RALYL: variants seen among roughly 807,000 people sequenced by gnomAD.
The protein encoded by RALYL is RNA-binding Raly-like protein.
In RALYL, 29 loss-of-function variants were observed where a neutral mutation model predicts 35.1. The observed-to-expected ratio is 0.83, with a 90% CI of 0.61 to 1.13. The LOEUF is 1.13. RALYL is among the 50% of genes most tolerant of loss of function. RALYL has a pLI of 0.00. For missense variants in RALYL, 359 were observed against 360.4 expected, an observed-to-expected ratio of 1.00 and a Z score of 0.03; for synonymous variants, 120 against 127.6, an observed-to-expected ratio of 0.94 and a Z score of 0.40.
At chr8:84,429,149 T>C (rs1330659310) in intron 1 of RALYL, among the ~76,000 whole-genome samples, 1 of 152,148 alleles carries the variant, frequency 6.6e-6, no homozygotes, top group African/African-American at 2.4e-5. Flanking sequence ...GCATATTCTA[T>C]GGCTTAATGC....
chr8:84,878,807 T>C lies in RALYL; in HGVS notation c.685+5410T>C, dbSNP rs541199524. 7.3e-4 allele frequency among the ~76,000 whole-genome samples: 110 copies of C among 151,138 alleles called. No homozygotes were observed. In the South Asian group the frequency reaches 0.011, roughly 15 times the overall value. On this transcript the variant is annotated intron_variant, in intron 7 of 8. Coordinates refer to ENST00000521268, the MANE Select transcript of RALYL (RefSeq NM_173848.7). ...GAAAATATGGAAAAAAAAACAGAAA[T>C]GGAAAATAGGGGAAGGATATGAGAA...
intron 1 of RALYL, among the ~76,000 whole-genome samples, chr8:84,259,375 G>A (rs1586604486): frequency 6.6e-6 from 1 of 152,108 alleles, no homozygotes; most frequent in African/African-American, 2.4e-5. Context: ...CTCACAGGTA[G>A]TCTTCAAAAG....
intron 1 of RALYL, among the ~76,000 whole-genome samples, chr8:84,316,834 T>A (rs950878456): frequency 6.6e-6 from 1 of 152,158 alleles, no homozygotes; most frequent in Non-Finnish European, 1.5e-5. Flanking sequence ...CTAAATCTTT[T>A]AAAAAATAAA....
At chr8:84,426,210 T>A (rs2046412411) in intron 1 of RALYL, among the ~76,000 whole-genome samples, 1 of 152,168 alleles carries the variant, frequency 6.6e-6, no homozygotes, top group African/African-American at 2.4e-5. Context: ...CTCACATAGT[T>A]ACCCATTAGT....
chr8:84,699,219 A>G (rs1467257316), intron 2 of RALYL, among the ~76,000 whole-genome samples: 1 of 152,016 alleles, frequency 6.6e-6, no homozygotes, highest in Non-Finnish European at 1.5e-5. Flanking sequence ...TTCCCTATAA[A>G]CTCAGTACTA....
intron 1 of RALYL, among the ~76,000 whole-genome samples, chr8:84,341,365 T>C (rs951745035): frequency 2.0e-5 from 3 of 151,940 alleles, no homozygotes; most frequent in African/African-American, 7.2e-5. Flanking sequence ...AATTCTGTGC[T>C]CAAATTCTAG....
At chr8:84,231,476 T>A (rs747325075) in intron 1 of RALYL, among the ~76,000 whole-genome samples, 13 of 152,160 alleles carry the variant, frequency 8.5e-5, no homozygotes, top group Non-Finnish European at 1.8e-4. Flanking sequence ...GCCATGTTTG[T>A]TCTCTGTGTT....
chr8:84,612,097 C>G (rs1564234449), intron 2 of RALYL, among the ~76,000 whole-genome samples: 1 of 151,718 alleles, frequency 6.6e-6, no homozygotes, highest in Admixed American at 6.6e-5. Context: ...ACCTTTTTCT[C>G]TTAGATTGTG....
At chr8:84,310,366 T>C (rs1021266997) in intron 1 of RALYL, among the ~76,000 whole-genome samples, 4 of 149,742 alleles carry the variant, frequency 2.7e-5, no homozygotes, top group Non-Finnish European at 4.5e-5. Context: ...AAAAAAAAAA[T>C]TGGCTAACCC....
At chr8:84,394,588 A>C (rs1177535048) in intron 1 of RALYL, among the ~76,000 whole-genome samples, 1 of 151,984 alleles carries the variant, frequency 6.6e-6, no homozygotes, top group Non-Finnish European at 1.5e-5. Context: ...TTGCTTAGGC[A>C]CATAGTTTTT....
At chr8:84,780,471 A>G (rs1296746390) in intron 3 of RALYL, among the ~76,000 whole-genome samples, 1 of 152,248 alleles carries the variant, frequency 6.6e-6, no homozygotes, top group African/African-American at 2.4e-5. Context: ...CATCTGGGTA[A>G]TTGAGGGAGA....
intron 1 of RALYL, among the ~76,000 whole-genome samples, chr8:84,288,270 T>A (rs1186579318): frequency 6.6e-6 from 1 of 152,154 alleles, no homozygotes; most frequent in Non-Finnish European, 1.5e-5. Context: ...GGAATCAGCA[T>A]TTTAAAAAAT....
intron 2 of RALYL, among the ~76,000 whole-genome samples, chr8:84,687,671 T>C (rs1394594151): frequency 2.6e-5 from 4 of 152,156 alleles, no homozygotes. Flanking sequence ...AAACTACTTG[T>C]AGTACACTGA....
intron 1 of RALYL, among the ~76,000 whole-genome samples, chr8:84,300,076 T>C (rs983846177): frequency 1.3e-5 from 2 of 152,108 alleles, no homozygotes; most frequent in African/African-American, 4.8e-5. Context: ...GGACATTTAG[T>C]GCTATAAACT....
At chr8:84,241,364 C>T (rs16912587) in intron 1 of RALYL, among the ~76,000 whole-genome samples, 7,754 of 152,162 alleles carry the variant, frequency 0.051, 301 homozygotes, top group East Asian at 0.12. Flanking sequence ...TCCCTGGTTA[C>T]GTTCTCCATT....
intron 1 of RALYL, among the ~76,000 whole-genome samples, chr8:84,475,815 A>G (rs1240130000): frequency 2.0e-5 from 3 of 152,300 alleles, no homozygotes; most frequent in South Asian, 2.1e-4. Context: ...AATCTGTTGC[A>G]TTAAGATTGT....
chr8:84,468,488 T>C (rs996998317), intron 1 of RALYL, among the ~76,000 whole-genome samples: 1 of 149,396 alleles, frequency 6.7e-6, no homozygotes, highest in African/African-American at 2.4e-5. Context: ...CTCTTCTGGC[T>C]TGTAGGGTTT....
At chr8:84,608,909 CAA>C (rs1405819723) in intron 2 of RALYL, among the ~76,000 whole-genome samples, 1 of 152,064 alleles carries the variant, frequency 6.6e-6, no homozygotes, top group Non-Finnish European at 1.5e-5. Flanking sequence ...CCCATCCACT[CAA>C]AGAGTGTAAC....
At chr8:84,507,977 C>T (rs189604768) in intron 1 of RALYL, among the ~76,000 whole-genome samples, 18 of 152,120 alleles carry the variant, frequency 1.2e-4, no homozygotes, top group Middle Eastern at 6.8e-3. Context: ...CATATCTAAG[C>T]GTCTATGTCA....
Sources: allele counts gnomAD v4.1 joint callset (sites outside exome capture counted in the v4.1 genomes callset), GRCh38; gene constraint gnomAD v4.1.1; transcripts MANE v1.5; gene names NCBI Gene and HGNC (gene_info 2026-07-23, HGNC 2026-07-21).